The following PTPRS variants were observed in gnomAD, a reference collection of about 807,000 sequenced individuals.
The protein encoded by PTPRS is protein tyrosine phosphatase receptor type S.
In PTPRS, 63 loss-of-function variants were observed where a neutral mutation model predicts 215.3. The observed-to-expected ratio is 0.29, with a 90% CI of 0.24 to 0.36. PTPRS has a LOEUF of 0.36. PTPRS is among the 10% of genes least tolerant of loss of function. PTPRS has a pLI of 1.00. For synonymous variants in PTPRS, 1,404 were observed against 1,191.4 expected (o/e 1.18, Z -3.68); for missense variants, 2,258 against 2,825.8 (o/e 0.80, Z 4.56).
At chr19:5,337,279 C>T (rs1457844409) in intron 1 of PTPRS, among the ~76,000 whole-genome samples, 23 of 152,236 alleles carry the variant, frequency 1.5e-4, no homozygotes. Flanking sequence ...CCATCCCGAA[C>T]TCTCTCCACG....
intron 2 of PTPRS, chr19:5,278,017 G>A (rs1054704038): frequency 1.9e-5 from 23 of 1,215,752 alleles, no homozygotes; most frequent in Non-Finnish European, 2.7e-5. Context: ...AAATCTCCCT[G>A]TGCTGAGATC....
chr19:5,238,409 T>C (rs1193456679), intron 13 of PTPRS, among the ~76,000 whole-genome samples: 1 of 152,098 alleles, frequency 6.6e-6, no homozygotes, highest in Non-Finnish European at 1.5e-5. Flanking sequence ...GACCTCGTCC[T>C]GGGGTCTTGA....
In PTPRS at chr19:5,222,361, GCCTGGC is replaced by G. The variant is rs1216062624; in HGVS notation, c.3104-147_3104-142del. On this transcript the variant is annotated intron_variant, in intron 18 of 37. Coordinates refer to ENST00000262963, the MANE Select transcript of PTPRS (RefSeq NM_002850.4). ...CTGTGCCCATGCCCACGGCCTTCCT[GCCTGGC>G]CCTGGCCCGGCCCTGCCCTGTCCTG... is the stretch of plus-strand genomic sequence containing the variant. 65 of 749,010 alleles carry G rather than the reference GCCTGGC, an allele frequency of 8.7e-5. 3 individuals carry two copies. Among genetic ancestry groups the G allele is most frequent in the South Asian group, 8.2e-4 (50 of 61,176 alleles). The allele number at this position is 749,010 out of a possible 1,614,324, so 46.4% of individuals were successfully genotyped here.
intron 11 of PTPRS, among the ~76,000 whole-genome samples, chr19:5,243,001 A>C (rs996474207): frequency 6.6e-5 from 10 of 151,846 alleles, no homozygotes; most frequent in African/African-American, 2.4e-4. Flanking sequence ...TATGTTTCTT[A>C]AGAAATGGGG....
chr19:5,302,342 G>A (rs1320786796), intron 1 of PTPRS, among the ~76,000 whole-genome samples: 2 of 152,230 alleles, frequency 1.3e-5, no homozygotes, highest in Non-Finnish European at 2.9e-5. Flanking sequence ...ACCAGCTTGG[G>A]TGACAGAGGG....
chr19:5,287,402 C>T lies in PTPRS; in HGVS notation c.-94-1168G>A, dbSNP rs1169288528. Among the ~76,000 whole-genome samples the T allele has an allele frequency of 6.6e-6, 1 of 152,222 alleles. No homozygotes were observed. Among genetic ancestry groups the T allele is most frequent in the East Asian group, 1.9e-4 (1 of 5,202 alleles). On this transcript the variant is annotated intron_variant, in intron 1 of 37. Coordinates refer to ENST00000262963, the MANE Select transcript of PTPRS (RefSeq NM_002850.4). The surrounding 1 kb of genome is among the most constrained non-coding windows in gnomAD (Gnocchi z 4.8). ...CGTTTCTCCCACAAGAACCTCAACT[C>T]CTCCAGGGCAGAAGGGTCCCTCGTC... is the stretch of plus-strand genomic sequence containing the variant.
chr19:5,231,727 AAAC>A, intron 13 of PTPRS, 112 bp from the exon 14 acceptor site: 1 of 560,750 alleles, frequency 1.8e-6, no homozygotes, highest in Non-Finnish European at 3.2e-6. Context: ...AGATGATAAC[AAAC>A]AAAACAGAAC....
chr19:5,241,238 A>C (rs916276102), intron 11 of PTPRS, among the ~76,000 whole-genome samples: 1 of 152,056 alleles, frequency 6.6e-6, no homozygotes, highest in East Asian at 1.9e-4. Flanking sequence ...GCTGCGAATT[A>C]GATGACAGAG....
rs183434446 is a variant in PTPRS at position 5,320,796 on chromosome 19, A to C, written c.-95+19868T>G. 4.1e-3 allele frequency among the ~76,000 whole-genome samples: 620 copies of C among 152,208 alleles called. 3 individuals carry two copies. Among genetic ancestry groups the C allele is most frequent in the Non-Finnish European group, 7.3e-3 (498 of 68,012 alleles). ...CCTGATTTGAGGGCTTCACCCTATG[A>C]ACTCACTAGATCCTCCCAAGGGAGC... On this transcript the variant is annotated intron_variant, in intron 1 of 37. Coordinates refer to ENST00000262963, the MANE Select transcript of PTPRS (RefSeq NM_002850.4).
chr19:5,222,821 C>G lies in PTPRS; in HGVS notation c.2971G>C (p.Ala991Pro). 1 of 1,595,910 alleles carries G rather than the reference C, an allele frequency of 6.3e-7. No individual in the cohort carries two copies. The highest frequency in any genetic ancestry group is 8.5e-7 in the Non-Finnish European group (1 of 1,177,398). ...CCCTGCAGCGTGAGCGCGTTCTCCG[C>G]GCCCGGCTCAGCCGCTGCCGGCAGC... ...TELPAAAEPGAENALTLQGLK... is the reference protein window; with the variant it reads ...TELPAAAEPGPENALTLQGLK... The change falls in exon 18 of 38, where the codon GCG (alanine) becomes CCG (proline). Residue 991 changes from alanine (A) to proline (P), a missense_variant. Transcript: ENST00000262963.
chr19:5,229,188 G>T, intron 16 of PTPRS, 128 bp downstream of exon 16: 1 of 1,061,592 alleles, frequency 9.4e-7, no homozygotes, highest in Non-Finnish European at 1.2e-6. Context: ...GAGAGCGAGG[G>T]GCGCATGGGA....
At position 5,257,531 on chromosome 19, in the gene PTPRS, A is replaced by G; in HGVS notation, c.706+486T>C. 2.2e-6 allele frequency: 1 copy of G among 448,648 alleles called. No individual in the cohort carries two copies. Among genetic ancestry groups the G allele is most frequent in the Non-Finnish European group, 4.5e-6 (1 of 223,114 alleles). 27.8% of individuals were successfully genotyped at this position (448,648 alleles called of 1,614,324 possible). ...AGACCCCTCCTCAACTTCTAGATTG[A>G]GGGCCCTGGATTAGGGGGGGCAGTG... On this transcript the variant is annotated intron_variant, in intron 8 of 37. Coordinates refer to ENST00000262963, the MANE Select transcript of PTPRS (RefSeq NM_002850.4). This position sits in a 1 kb window ranked among gnomAD's most constrained non-coding sequence, Gnocchi z 4.4.
At chr19:5,282,510 A>G (rs1004242660) in intron 2 of PTPRS, among the ~76,000 whole-genome samples, 9 of 152,168 alleles carry the variant, frequency 5.9e-5, no homozygotes, top group Non-Finnish European at 4.4e-5. Context: ...ACAGGCTCAG[A>G]AAGGTGAAGA....
chr19:5,212,910 G>A (rs2041052503), intron 30 of PTPRS, among the ~76,000 whole-genome samples: 1 of 150,114 alleles, frequency 6.7e-6, no homozygotes, highest in Admixed American at 6.6e-5. Flanking sequence ...TTGGGCTCTA[G>A]CTGGCCCTGG....
At position 5,214,713 on chromosome 19, in the gene PTPRS, T is replaced by G. The variant is rs1426779255; in HGVS notation, c.4342A>C (p.Asn1448His). The G allele has an allele frequency of 1.2e-6, 2 of 1,608,472 alleles. No individual in the cohort carries two copies. The change falls in exon 29 of 38, where the codon AAT becomes CAT. Residue 1448 changes from asparagine to histidine, a missense_variant. By Grantham distance (68) the Asn-to-His change is moderately conservative (BLOSUM62 1). Around this residue, in one of 6 missense-constraint regions of PTPRS, gnomAD observed 927 missense variants for 1,125.9 expected, o/e 0.82. Coordinates refer to ENST00000262963, the MANE Select transcript of PTPRS (RefSeq NM_002850.4). Reference protein sequence around the residue: ...IEGIMGSDYINANYVDGYRCQ... With the variant: ...IEGIMGSDYIHANYVDGYRCQ... ...CGGTAGCCGTCCACGTAGTTGGCAT[T>G]GATGTAATCACTGCCCATGATGCCT...
intron 23 of PTPRS, 139 bp downstream of exon 23, chr19:5,219,171 G>T (rs1254687230): frequency 1.7e-6 from 2 of 1,170,626 alleles, no homozygotes; most frequent in Non-Finnish European, 2.4e-6. Context: ...TTGATCAAGT[G>T]GCTTAACCTC....
intron 16 of PTPRS, among the ~76,000 whole-genome samples, chr19:5,228,311 C>T (rs1379974084): frequency 7.1e-6 from 1 of 141,192 alleles, no homozygotes; most frequent in Non-Finnish European, 1.5e-5. Context: ...CGCCACTGTA[C>T]TCCAGCCCGG....
chr19:5,274,159 G>T (rs762952310), intron 3 of PTPRS, 40 bp downstream of exon 3: 12 of 1,583,948 alleles, frequency 7.6e-6, no homozygotes, highest in African/African-American at 1.3e-5. Flanking sequence ...TGCCTTGGGG[G>T]AGCATTGACC....
At chr19:5,325,731 G>T (rs75951176) in intron 1 of PTPRS, among the ~76,000 whole-genome samples, 3,637 of 152,304 alleles carry the variant, frequency 0.024, 57 homozygotes, top group South Asian at 0.047. Flanking sequence ...CGAGGACACC[G>T]GCCAATTCAT....
Sources: allele counts gnomAD v4.1 joint callset (sites outside exome capture counted in the v4.1 genomes callset), GRCh38; gene constraint gnomAD v4.1.1; regional missense constraint gnomAD v4.1.1; non-coding constraint Gnocchi (gnomAD v3.1); transcripts MANE v1.5; gene names NCBI Gene and HGNC (gene_info 2026-07-23, HGNC 2026-07-21).